Variants in PEBP4 observed in about 807,000 individuals in gnomAD.
The protein encoded by PEBP4 is phosphatidylethanolamine-binding protein 4.
PEBP4 carries 22 observed loss-of-function variants against 23.9 expected under a neutral mutation model. That is an observed-to-expected ratio of 0.92 (90% CI 0.66 to 1.31). PEBP4 has a LOEUF of 1.31. Among genes scored for constraint, PEBP4 ranks in the 40% most tolerant of loss-of-function variants. The pLI is 0.00. For synonymous variants in PEBP4, 112 were observed against 99.3 expected, an observed-to-expected ratio of 1.13 and a Z score of -0.76; for missense variants, 324 against 281.7, an observed-to-expected ratio of 1.15 and a Z score of -1.07.
At chr8:22,727,152 G>C (rs1485925805) in intron 5 of PEBP4, 23 bp downstream of exon 5, 1 of 1,613,304 alleles carries the variant, frequency 6.2e-7, no homozygotes, top group African/African-American at 1.3e-5. Context: ...GCTGGGGGAA[G>C]GGGTCCCTAG....
chr8:22,800,864 T>C (rs1404699672), intron 4 of PEBP4, among the ~76,000 whole-genome samples: 2 of 152,146 alleles, frequency 1.3e-5, no homozygotes, highest in Non-Finnish European at 2.9e-5. Flanking sequence ...TAACCTTTCA[T>C]AACCTAGGAA....
At chr8:22,762,124 AAATGGGTGAAAC>A (rs1410599967) in intron 4 of PEBP4, among the ~76,000 whole-genome samples, 1 of 152,164 alleles carries the variant, frequency 6.6e-6, no homozygotes, top group Non-Finnish European at 1.5e-5. Context: ...ATCGGCAAAA[AAATGGGTGAAAC>A]AATATACCCT....
chr8:22,861,301 C>T (rs922142732), intron 3 of PEBP4, among the ~76,000 whole-genome samples: 2 of 152,306 alleles, frequency 1.3e-5, no homozygotes, highest in East Asian at 1.9e-4. Context: ...ATAGCTCAGA[C>T]GTTTTGTGCT....
chr8:22,768,308 A>G (rs73671279), intron 4 of PEBP4, among the ~76,000 whole-genome samples: 2,320 of 152,272 alleles, frequency 0.015, 74 homozygotes, highest in African/African-American at 0.054. Flanking sequence ...CAGTGCTTGC[A>G]GAGACAGGAC....
chr8:22,924,824 T>G (rs1809289096), intron 2 of PEBP4: 1 of 985,280 alleles, frequency 1.0e-6, no homozygotes, highest in Non-Finnish European at 1.2e-6. Flanking sequence ...TTGCTGGTCT[T>G]GTCTGGGGTA....
chr8:22,776,954 G>A (rs559706330), intron 4 of PEBP4, among the ~76,000 whole-genome samples: 184 of 151,914 alleles, frequency 1.2e-3, no homozygotes, highest in Non-Finnish European at 2.2e-4. Context: ...CATGTGATGC[G>A]TCCTACGGGG....
At chr8:22,874,022 CA>C (rs1302070038) in intron 3 of PEBP4, among the ~76,000 whole-genome samples, 1 of 152,060 alleles carries the variant, frequency 6.6e-6, no homozygotes, top group Non-Finnish European at 1.5e-5. Flanking sequence ...CCAAACCCAG[CA>C]AAAAATTCCA....
At chr8:22,915,944 G>A (rs768967699) in intron 3 of PEBP4, among the ~76,000 whole-genome samples, 10 of 152,188 alleles carry the variant, frequency 6.6e-5, no homozygotes, top group Non-Finnish European at 1.3e-4. Context: ...GAAAATTTGG[G>A]TTGAAACTTG....
chr8:22,922,048 A>G (rs1206644358), intron 2 of PEBP4, among the ~76,000 whole-genome samples: 1 of 152,242 alleles, frequency 6.6e-6, no homozygotes, highest in African/African-American at 2.4e-5. Context: ...AAACAAGCAA[A>G]ATCATCAAAT....
intron 4 of PEBP4, among the ~76,000 whole-genome samples, chr8:22,792,625 T>C (rs1189113337): frequency 6.6e-6 from 1 of 152,182 alleles, no homozygotes; most frequent in Non-Finnish European, 1.5e-5. Context: ...CGCTGCCTTA[T>C]TTTGATAGGT....
intron 1 of PEBP4, among the ~76,000 whole-genome samples, chr8:22,938,845 C>T (rs77449580): frequency 0.019 from 2,820 of 152,282 alleles, 98 homozygotes; most frequent in African/African-American, 0.064. Context: ...TCTGCATTCC[C>T]CACAGCACTA....
At position 22,795,111 on chromosome 8, in the gene PEBP4, T is replaced by A. The variant is rs972771135; in HGVS notation, c.357+22526A>T. Among the ~76,000 whole-genome samples, 41 of 130,120 alleles carry A rather than the reference T, an allele frequency of 3.2e-4. No homozygotes were observed. In the South Asian group the frequency reaches 0.01, roughly 32 times the overall value. 85.4% of individuals were successfully genotyped at this position (130,120 alleles called of 152,430 possible). A position where few individuals can be genotyped will look rare whatever the true frequency, so the allele number is the denominator to read the frequency against. Reference sequence around the variant, plus strand: ...CACCAGTGCCTACTTTTAAATTATTTTATATATATGTGTGTATATATATGT... The same window carrying A: ...CACCAGTGCCTACTTTTAAATTATTATATATATATGTGTGTATATATATGT... On this transcript the variant is annotated intron_variant, in intron 4 of 6. Coordinates refer to ENST00000256404, the MANE Select transcript of PEBP4 (RefSeq NM_144962.3).
At chr8:22,727,126 C>G (rs117805555) in intron 5 of PEBP4, 49 bp downstream of exon 5, 1 of 1,599,458 alleles carries the variant, frequency 6.3e-7, no homozygotes. Context: ...TTCCTGTGAT[C>G]GTCACTGATG....
intron 3 of PEBP4, 128 bp downstream of exon 3, chr8:22,920,056 C>A: frequency 8.8e-7 from 1 of 1,137,386 alleles, no homozygotes; most frequent in Non-Finnish European, 1.2e-6. Context: ...TGGCAACAGC[C>A]ATCTGCAGCC....
At chr8:22,779,194 G>A (rs1299368934) in intron 4 of PEBP4, among the ~76,000 whole-genome samples, 1 of 152,118 alleles carries the variant, frequency 6.6e-6, no homozygotes, top group Non-Finnish European at 1.5e-5. Flanking sequence ...TGGGGACCCT[G>A]GCTCCCCATA....
intron 4 of PEBP4, among the ~76,000 whole-genome samples, chr8:22,780,702 T>G (rs1289692775): frequency 6.6e-6 from 1 of 152,146 alleles, no homozygotes; most frequent in Non-Finnish European, 1.5e-5. Context: ...CAGCGGACCT[T>G]CAGCAGCTGG....
chr8:22,841,072 G>C (rs960704723), intron 3 of PEBP4, among the ~76,000 whole-genome samples: 1 of 152,176 alleles, frequency 6.6e-6, no homozygotes, highest in Non-Finnish European at 1.5e-5. Context: ...ATCCCCTGAC[G>C]CATTTTATTC....
intron 3 of PEBP4, among the ~76,000 whole-genome samples, chr8:22,914,650 C>T (rs1298615594): frequency 6.6e-6 from 1 of 152,164 alleles, no homozygotes; most frequent in Non-Finnish European, 1.5e-5. Flanking sequence ...ACCTGTCCTC[C>T]TCTCAGAGTC....
chr8:22,908,995 A>C (rs534520580), intron 3 of PEBP4, among the ~76,000 whole-genome samples: 4 of 152,242 alleles, frequency 2.6e-5, no homozygotes, highest in African/African-American at 9.6e-5. Flanking sequence ...TGGCAAAGAG[A>C]GATAGGGCAG....
Sources: gnomAD v4.1 joint callset for allele counts (sites outside exome capture counted in the v4.1 genomes callset) on GRCh38, gnomAD v4.1.1 for gene constraint, MANE v1.5 for transcripts, NCBI Gene and HGNC (gene_info 2026-07-23, HGNC 2026-07-21) for gene names.